The following PLXDC2 variants were observed in gnomAD, a reference collection of about 807,000 sequenced individuals.
PLXDC2 encodes the protein plexin domain-containing protein 2.
In PLXDC2, 40 loss-of-function variants were observed where a neutral mutation model predicts 68.9. That is an observed-to-expected ratio of 0.58 (90% CI 0.45 to 0.76). The LOEUF (loss-of-function observed/expected upper bound fraction) is 0.76. Among genes scored for constraint, PLXDC2 ranks in the 30% least tolerant of loss-of-function variants. The probability of loss-of-function intolerance (pLI) is 0.00; values close to 1 mark genes in which losing one functional copy is unlikely to be tolerated. For missense variants in PLXDC2, 644 were observed against 661.9 expected, an observed-to-expected ratio of 0.97 and a Z score of 0.30; for synonymous variants, 243 against 234.2, an observed-to-expected ratio of 1.04 and a Z score of -0.34.
chr10:20,274,073 G>A (rs1835973933), intron 13 of PLXDC2, among the ~76,000 whole-genome samples: 1 of 148,614 alleles, frequency 6.7e-6, no homozygotes, highest in Non-Finnish European at 1.5e-5. Flanking sequence ...AAGGGAAGGG[G>A]AGGGGAGGGG....
rs1204237953 is a variant in PLXDC2, at chr10:20,280,134, G to A, written c.*315G>A. 15 of 234,032 alleles carry A rather than the reference G, an allele frequency of 6.4e-5. No homozygotes were observed. Among genetic ancestry groups the A allele is most frequent in the Non-Finnish European group, 1.1e-4 (13 of 121,356 alleles). The allele number at this position is 234,032 out of a possible 1,614,324, so 14.5% of individuals were successfully genotyped here. ...ATAATGCTTTTGGCTTAGGTGCAGGGTTGCAAAGGGATCAGAAAAAAAAAA... is the reference window on the plus strand; with the variant it reads ...ATAATGCTTTTGGCTTAGGTGCAGGATTGCAAAGGGATCAGAAAAAAAAAA... On this transcript the variant is annotated 3_prime_UTR_variant, in exon 14 of 14. Transcript: ENST00000377252.
intron 1 of PLXDC2, among the ~76,000 whole-genome samples, chr10:19,914,766 T>A (rs1048543078): frequency 6.6e-6 from 1 of 152,164 alleles, no homozygotes; most frequent in South Asian, 2.1e-4. Flanking sequence ...ACAAGTACAA[T>A]AGTCAAAGTC....
chr10:19,866,082 GTTTTC>G (rs1458431148), intron 1 of PLXDC2, among the ~76,000 whole-genome samples: 3 of 152,176 alleles, frequency 2.0e-5, no homozygotes, highest in Non-Finnish European at 2.9e-5. Context: ...GTAATTTGTA[GTTTTC>G]TTGGCTCTTT....
intron 1 of PLXDC2, among the ~76,000 whole-genome samples, chr10:19,918,760 T>C (rs1302374284): frequency 2.6e-5 from 4 of 152,180 alleles, no homozygotes; most frequent in Non-Finnish European, 5.9e-5. Context: ...TTATGGAAGA[T>C]TTTCTTACCT....
At chr10:20,226,903 A>G (rs956259990) in intron 12 of PLXDC2, among the ~76,000 whole-genome samples, 2 of 151,888 alleles carry the variant, frequency 1.3e-5, no homozygotes, top group East Asian at 3.9e-4. Flanking sequence ...GAGGAAAGAA[A>G]CTTCCATATA....
chr10:20,249,926 T>C (rs888554909), intron 13 of PLXDC2, among the ~76,000 whole-genome samples: 1 of 152,126 alleles, frequency 6.6e-6, no homozygotes, highest in African/African-American at 2.4e-5. Flanking sequence ...ACTAAACACT[T>C]GTATGAGTTA....
chr10:20,043,247 C>A (rs529069122), intron 2 of PLXDC2: 1 of 152,226 alleles, frequency 6.6e-6, no homozygotes, highest in African/African-American at 2.4e-5. Flanking sequence ...ATAAAAGTTG[C>A]CATGACAACT....
At chr10:19,872,420 C>G (rs1248211779) in intron 1 of PLXDC2, among the ~76,000 whole-genome samples, 2 of 152,238 alleles carry the variant, frequency 1.3e-5, no homozygotes, top group Non-Finnish European at 2.9e-5. Flanking sequence ...GACTGGAAGT[C>G]AGTGGCCTCA....
At chr10:20,037,852 G>A (rs1835605803) in intron 2 of PLXDC2, among the ~76,000 whole-genome samples, 2 of 152,104 alleles carry the variant, frequency 1.3e-5, no homozygotes, top group South Asian at 4.1e-4. Context: ...TGGAAATACC[G>A]CTGGAATCCT....
chr10:20,061,435 G>A (rs553139352), intron 3 of PLXDC2, among the ~76,000 whole-genome samples: 1 of 152,150 alleles, frequency 6.6e-6, no homozygotes, highest in South Asian at 2.1e-4. Context: ...ATGATATTTT[G>A]TCCTTCCTCG....
At chr10:20,211,326 T>A (rs999050774) in intron 9 of PLXDC2, among the ~76,000 whole-genome samples, 9 of 152,186 alleles carry the variant, frequency 5.9e-5, no homozygotes, top group African/African-American at 2.2e-4. Context: ...GTTTTAATGA[T>A]GAGAAAAAAA....
At chr10:20,063,463 A>G (rs1235528814) in intron 3 of PLXDC2, among the ~76,000 whole-genome samples, 1 of 152,184 alleles carries the variant, frequency 6.6e-6, no homozygotes, top group African/African-American at 2.4e-5. Context: ...GCTCTTTATT[A>G]GAAGGCTTCT....
intron 1 of PLXDC2, among the ~76,000 whole-genome samples, chr10:19,893,689 T>C (rs1475941368): frequency 6.6e-6 from 1 of 152,218 alleles, no homozygotes; most frequent in Non-Finnish European, 1.5e-5. Context: ...TAATAAATAA[T>C]TGAAAATAAT....
chr10:20,189,504 T>TATATATATAC (rs1554773611), intron 9 of PLXDC2, among the ~76,000 whole-genome samples: 2,776 of 121,280 alleles, frequency 0.023, 72 homozygotes, highest in Middle Eastern at 0.037. Flanking sequence ...TATATATATA[T>TATATATATAC]ACACATACAC....
chr10:20,011,548 C>G (rs574572381), intron 2 of PLXDC2, among the ~76,000 whole-genome samples: 2 of 152,294 alleles, frequency 1.3e-5, no homozygotes, highest in South Asian at 4.1e-4. Flanking sequence ...GGGGCCATAA[C>G]TCATCTTCTC....
intron 4 of PLXDC2, among the ~76,000 whole-genome samples, chr10:20,121,916 A>C (rs940172660): frequency 3.9e-5 from 6 of 152,130 alleles, no homozygotes; most frequent in Admixed American, 6.5e-5. Context: ...TATTGGCATC[A>C]ATCGGGGTAA....
intron 1 of PLXDC2, among the ~76,000 whole-genome samples, chr10:19,869,771 GTTA>G (rs1837498486): frequency 6.6e-6 from 1 of 151,746 alleles, no homozygotes; most frequent in South Asian, 2.1e-4. Flanking sequence ...AGCTTTGTTA[GTTA>G]TTATTATCTT....
At chr10:20,053,776 C>G (rs1835946230) in intron 3 of PLXDC2, among the ~76,000 whole-genome samples, 2 of 151,984 alleles carry the variant, frequency 1.3e-5, no homozygotes, top group South Asian at 2.1e-4. Flanking sequence ...GACCTTATCT[C>G]CAACACTTAT....
intron 1 of PLXDC2, among the ~76,000 whole-genome samples, chr10:19,833,894 A>G (rs1230703933): frequency 6.6e-6 from 1 of 152,158 alleles, no homozygotes; most frequent in Non-Finnish European, 1.5e-5. Flanking sequence ...AAATGCATAC[A>G]AATCTTTAAA....
Sources: gnomAD v4.1 joint callset for allele counts (sites outside exome capture counted in the v4.1 genomes callset) on GRCh38, gnomAD v4.1.1 for gene constraint, MANE v1.5 for transcripts, NCBI Gene and HGNC (gene_info 2026-07-23, HGNC 2026-07-21) for gene names.